The following PDE4B variants were observed in gnomAD, a reference collection of about 807,000 sequenced individuals.
PDE4B encodes 3',5'-cyclic-AMP phosphodiesterase 4B.
Under a neutral mutation model 82.2 loss-of-function variants are expected in PDE4B, and 20 were observed. That is an observed-to-expected ratio of 0.24 (90% CI 0.17 to 0.35). PDE4B has a LOEUF of 0.35. Ranked by LOEUF, PDE4B falls within the 10% of genes least tolerant of loss-of-function variation. The pLI is 1.00. For synonymous variants in PDE4B, 320 were observed against 318.9 expected (o/e 1.00, Z -0.04); for missense variants, 655 against 907.2 (o/e 0.72, Z 3.57).
intron 3 of PDE4B, among the ~76,000 whole-genome samples, chr1:66,063,885 C>T (rs1399249255): frequency 6.6e-6 from 1 of 151,802 alleles, no homozygotes; most frequent in African/African-American, 2.4e-5. Context: ...TAAAAGAATC[C>T]ATAAAGAACA....
At chr1:65,945,524 T>A (rs1345744316) in intron 3 of PDE4B, among the ~76,000 whole-genome samples, 1 of 151,952 alleles carries the variant, frequency 6.6e-6, no homozygotes, top group East Asian at 1.9e-4. Context: ...GGAATCAACT[T>A]GCCACCGAAT....
rs76220676 is a variant in PDE4B, at chr1:66,276,801, G to A, written c.634+10714G>A. Among the ~76,000 whole-genome samples the A allele has an allele frequency of 3.1e-3, 474 of 152,246 alleles. 1 individual carries two copies. The highest frequency in any genetic ancestry group is 0.011 in the African/African-American group (452 of 41,532). ...TAAATAAATTCATGACTATACACTT[G>A]ATAATTGTAATGAAGGAAAGTACAG... is the stretch of plus-strand genomic sequence containing the variant. On this transcript the variant is annotated intron_variant, in intron 7 of 16. Coordinates refer to ENST00000341517, the MANE Select transcript of PDE4B (RefSeq NM_002600.4).
At chr1:66,155,921 G>A (rs1279945898) in intron 3 of PDE4B, among the ~76,000 whole-genome samples, 3 of 152,066 alleles carry the variant, frequency 2.0e-5, no homozygotes, top group African/African-American at 7.2e-5. Context: ...TCTGACCCCT[G>A]CCTGATTTCT....
chr1:65,795,618 C>A (rs1046230276), intron 1 of PDE4B, among the ~76,000 whole-genome samples: 1 of 152,222 alleles, frequency 6.6e-6, no homozygotes, highest in Admixed American at 6.5e-5. Context: ...AAGGTCACAC[C>A]CCTTTCCAGC....
At chr1:66,138,230 A>G (rs1460222193) in intron 3 of PDE4B, among the ~76,000 whole-genome samples, 1 of 152,182 alleles carries the variant, frequency 6.6e-6, no homozygotes, top group African/African-American at 2.4e-5. Context: ...ACTACAGAAA[A>G]AGTAATGGCC....
At chr1:65,923,349 A>T (rs761781368) in intron 3 of PDE4B, among the ~76,000 whole-genome samples, 9 of 152,200 alleles carry the variant, frequency 5.9e-5, no homozygotes, top group Non-Finnish European at 1.0e-4. Context: ...TCTATAGTTA[A>T]TCTATAACTT....
At chr1:66,057,570 C>T (rs942329159) in intron 3 of PDE4B, among the ~76,000 whole-genome samples, 6 of 152,148 alleles carry the variant, frequency 3.9e-5, no homozygotes, top group Non-Finnish European at 5.9e-5. Flanking sequence ...ACTTACAGTT[C>T]CACATGGCTG....
chr1:66,080,586 G>C (rs1656671353), intron 3 of PDE4B, among the ~76,000 whole-genome samples: 1 of 152,070 alleles, frequency 6.6e-6, no homozygotes, highest in African/African-American at 2.4e-5. Context: ...AAACAAAGTG[G>C]GAAAAGCATG....
chr1:66,009,507 T>G (rs1016265319), intron 3 of PDE4B, among the ~76,000 whole-genome samples: 2 of 152,160 alleles, frequency 1.3e-5, no homozygotes, highest in African/African-American at 4.8e-5. Flanking sequence ...AGAGTATGGG[T>G]CAATGTGCAT....
At chr1:65,935,624 C>T (rs183762792) in intron 3 of PDE4B, among the ~76,000 whole-genome samples, 355 of 152,290 alleles carry the variant, frequency 2.3e-3, no homozygotes, top group African/African-American at 7.6e-3. Context: ...AACTTCTTAA[C>T]TTTTTATGAT....
chr1:66,279,576 G>A (rs1656146761), intron 7 of PDE4B, among the ~76,000 whole-genome samples: 1 of 151,936 alleles, frequency 6.6e-6, no homozygotes, highest in Non-Finnish European at 1.5e-5. Flanking sequence ...AGTGAGCCAG[G>A]ATTGCACCAC....
intron 3 of PDE4B, among the ~76,000 whole-genome samples, chr1:66,200,552 GGTCCTTCAC>G (rs1348622574): frequency 6.6e-6 from 1 of 152,072 alleles, no homozygotes; most frequent in African/African-American, 2.4e-5. Context: ...TCCTTTAAGA[GGTCCTTCAC>G]GTCCCTTGTA....
At chr1:66,095,300 G>T (rs1233445633) in intron 3 of PDE4B, among the ~76,000 whole-genome samples, 1 of 151,728 alleles carries the variant, frequency 6.6e-6, no homozygotes, top group Non-Finnish European at 1.5e-5. Flanking sequence ...TATAAAATTT[G>T]GGTAGTCATA....
chr1:65,833,518 A>G (rs1646105747), intron 1 of PDE4B, among the ~76,000 whole-genome samples: 1 of 152,200 alleles, frequency 6.6e-6, no homozygotes. Flanking sequence ...TTGGCTACTA[A>G]AGTAGTGAGC....
intron 3 of PDE4B, chr1:65,992,361 T>G (rs1164061453): frequency 2.6e-5 from 4 of 152,224 alleles, no homozygotes; most frequent in Non-Finnish European, 5.9e-5. Context: ...ATTTGGTAGG[T>G]GGAGTTACTG....
rs139374179 is a variant in PDE4B at position 66,372,462 on chromosome 1, C to T, written c.1995C>T (p.Asp665=). The change falls in exon 17 of 17, where the codon GAC becomes GAT. Residue 665 remains aspartate, a synonymous_variant. Coordinates refer to ENST00000341517, the MANE Select transcript of PDE4B (RefSeq NM_002600.4). ...MIPQSPSPPL[D]EQNRDCQGLM... is the part of the protein sequence containing the mutation. ...CTCAAAGTCCCTCACCACCACTGGA[C>T]GAGCAGAACAGGGACTGCCAGGGTC... is the stretch of plus-strand genomic sequence containing the variant. 98 of 1,613,964 alleles carry T rather than the reference C, an allele frequency of 6.1e-5. No individual in the cohort carries two copies. The highest frequency in any genetic ancestry group is 1.6e-4 in the Middle Eastern group (1 of 6,084).
In PDE4B at chr1:65,974,429, T is replaced by C. The variant is rs146613164; in HGVS notation, c.281+55594T>C. Among the ~76,000 whole-genome samples the C allele has an allele frequency of 2.7e-3, 412 of 152,332 alleles. 1 individual carries two copies. Among genetic ancestry groups the C allele is most frequent in the Non-Finnish European group, 4.4e-3 (297 of 68,022 alleles). On this transcript the variant is annotated intron_variant, in intron 3 of 16. Transcript: ENST00000341517. ...GGAAATATTCAGATGTTAACATAAC[T>C]ATAGGTGCTCATAGTTGATCACTCT...
chr1:66,004,041 A>G (rs1025169077), intron 3 of PDE4B, among the ~76,000 whole-genome samples: 5 of 152,220 alleles, frequency 3.3e-5, no homozygotes, highest in Non-Finnish European at 7.3e-5. Context: ...ATCTTTTACC[A>G]TACACTGTTT....
At chr1:66,247,807 A>G (rs1268244787) in intron 4 of PDE4B, among the ~76,000 whole-genome samples, 153 bp downstream of exon 4, 2 of 152,228 alleles carry the variant, frequency 1.3e-5, no homozygotes, top group Non-Finnish European at 2.9e-5. Context: ...CATTTTAAGG[A>G]CATTAATGCT....
Sources: gnomAD v4.1 joint callset for allele counts (sites outside exome capture counted in the v4.1 genomes callset) on GRCh38, gnomAD v4.1.1 for gene constraint, MANE v1.5 for transcripts, NCBI Gene and HGNC (gene_info 2026-07-23, HGNC 2026-07-21) for gene names.